Variants in HTR1E observed in about 807,000 individuals in gnomAD.
The protein encoded by HTR1E is 5-hydroxytryptamine receptor 1E.
In HTR1E, 3 loss-of-function variants were observed where a neutral mutation model predicts 3.4. That is an observed-to-expected ratio of 0.89 (90% CI 0.41 to 2.31). HTR1E has a LOEUF of 2.31. Among genes scored for constraint, HTR1E ranks in the 30% most tolerant of loss-of-function variants. The pLI is 0.05. For missense variants in HTR1E, 392 were observed against 467.0 expected (o/e 0.84, Z 1.48); for synonymous variants, 170 against 182.8 (o/e 0.93, Z 0.56).
chr6:86,939,759 C>T (rs915166974), intron 1 of HTR1E, among the ~76,000 whole-genome samples: 9 of 152,220 alleles, frequency 5.9e-5, no homozygotes, highest in African/African-American at 2.2e-4. Flanking sequence ...AGTTTTCATT[C>T]TTTCCTCTTC....
intron 1 of HTR1E, among the ~76,000 whole-genome samples, chr6:87,007,834 T>G (rs1167610751): frequency 2.0e-5 from 3 of 152,034 alleles, no homozygotes; most frequent in African/African-American, 7.2e-5. Context: ...CTCAAAAGGC[T>G]GAGGCAGAAG....
chr6:86,955,891 C>A (rs911278534), intron 1 of HTR1E, among the ~76,000 whole-genome samples: 6 of 151,894 alleles, frequency 4.0e-5, no homozygotes, highest in African/African-American at 1.5e-4. Flanking sequence ...TTCTAAGACC[C>A]CCCCAACCAA....
intron 1 of HTR1E, among the ~76,000 whole-genome samples, chr6:86,946,778 GA>G (rs1768621916): frequency 6.6e-6 from 1 of 152,134 alleles, no homozygotes; most frequent in Non-Finnish European, 1.5e-5. Context: ...ATGCTGCCCT[GA>G]AAAGTGGCTT....
At chr6:87,005,225 A>T (rs908088297) in intron 1 of HTR1E, among the ~76,000 whole-genome samples, 1 of 152,184 alleles carries the variant, frequency 6.6e-6, no homozygotes, top group Non-Finnish European at 1.5e-5. Context: ...GTGCACAGAA[A>T]TGGAAAAAAT....
chr6:87,001,026 A>C (rs1448684317), intron 1 of HTR1E, among the ~76,000 whole-genome samples: 1 of 152,158 alleles, frequency 6.6e-6, no homozygotes, highest in African/African-American at 2.4e-5. Flanking sequence ...CATTTTTATT[A>C]GTTTTCTCTT....
intron 1 of HTR1E, among the ~76,000 whole-genome samples, chr6:86,995,682 A>G (rs1767930401): frequency 3.1e-5 from 2 of 63,742 alleles, no homozygotes; most frequent in South Asian, 6.8e-4. Context: ...AAAAAAAAAA[A>G]AAAAAGAAAA....
intron 1 of HTR1E, among the ~76,000 whole-genome samples, chr6:87,008,814 G>C (rs1434653764): frequency 1.3e-5 from 2 of 152,166 alleles, no homozygotes; most frequent in African/African-American, 4.8e-5. Context: ...AATATTATAA[G>C]ATGATCACCC....
chr6:86,992,844 A>G (rs1315370443), intron 1 of HTR1E, among the ~76,000 whole-genome samples: 2 of 152,194 alleles, frequency 1.3e-5, no homozygotes, highest in Non-Finnish European at 1.5e-5. Flanking sequence ...TACTTAAGTA[A>G]TATTAGTTCC....
chr6:87,000,244 C>T (rs1768000749), intron 1 of HTR1E: 1 of 152,374 alleles, frequency 6.6e-6, no homozygotes, highest in African/African-American at 2.4e-5. Context: ...TTGAGTTTGC[C>T]AGTTATGGGA....
chr6:86,971,823 T>C (rs1767561723), intron 1 of HTR1E, among the ~76,000 whole-genome samples: 1 of 152,214 alleles, frequency 6.6e-6, no homozygotes, highest in African/African-American at 2.4e-5. Context: ...CAGGTAGTCT[T>C]TTGGAATCCC....
chr6:86,939,478 A>C (rs1768516726), intron 1 of HTR1E, among the ~76,000 whole-genome samples: 1 of 152,238 alleles, frequency 6.6e-6, no homozygotes, highest in Admixed American at 6.5e-5. Context: ...GGGCTGCAGA[A>C]GCTCCAAGGA....
intron 1 of HTR1E, among the ~76,000 whole-genome samples, chr6:86,954,421 C>T (rs1239659744): frequency 6.6e-6 from 1 of 152,172 alleles, no homozygotes; most frequent in Non-Finnish European, 1.5e-5. Flanking sequence ...TTCAAGTGAT[C>T]TGCTCAGACA....
rs540138373 is a variant in HTR1E, at chr6:86,944,444, T to C, written c.-186+6621T>C. On this transcript the variant is annotated intron_variant, in intron 1 of 1. Transcript: ENST00000305344. Reference sequence around the variant, plus strand: ...TCATAGTAATGTTCTCAGACTGAAATTAGATAATCTGTCAAAGAATTTGTA... The same window carrying C: ...TCATAGTAATGTTCTCAGACTGAAACTAGATAATCTGTCAAAGAATTTGTA... Among the ~76,000 whole-genome samples, 144 of 152,314 alleles carry C rather than the reference T, an allele frequency of 9.5e-4. 1 individual carries two copies. Among genetic ancestry groups the C allele is most frequent in the Non-Finnish European group, 1.8e-3 (122 of 68,032 alleles).
intron 1 of HTR1E, among the ~76,000 whole-genome samples, chr6:86,951,465 T>G: frequency 6.6e-6 from 1 of 152,230 alleles, no homozygotes; most frequent in Admixed American, 6.5e-5. Context: ...TCAGTAAATC[T>G]AAATTGATAT....
chr6:86,939,598 C>T (rs191781217), intron 1 of HTR1E, among the ~76,000 whole-genome samples: 10 of 152,342 alleles, frequency 6.6e-5, no homozygotes, highest in Admixed American at 1.3e-4. Context: ...TATTCCCTTA[C>T]GTGCTTGTTT....
intron 1 of HTR1E, among the ~76,000 whole-genome samples, chr6:87,005,176 T>C (rs1275830764): frequency 1.3e-5 from 2 of 152,098 alleles, no homozygotes; most frequent in Admixed American, 1.3e-4. Context: ...AAGCAATCTA[T>C]GGCTATAAGG....
intron 1 of HTR1E, among the ~76,000 whole-genome samples, chr6:87,012,943 G>A (rs559852395): frequency 1.3e-5 from 2 of 152,270 alleles, no homozygotes; most frequent in South Asian, 2.1e-4. Context: ...CTCCAAAACC[G>A]CTGACTCAGG....
In HTR1E at chr6:86,991,858, T is replaced by C. The variant is rs145487456; in HGVS notation, c.-185-23292T>C. Among the ~76,000 whole-genome samples, 163 of 152,324 alleles carry C rather than the reference T, an allele frequency of 1.1e-3. 1 individual carries two copies. Among genetic ancestry groups the C allele is most frequent in the Middle Eastern group, 3.4e-3 (1 of 294 alleles). ...ACTCCAGTTGCAAACATATGTTTTA[T>C]ACAAACTCTTCAAATTGGAGACATT... On this transcript the variant is annotated intron_variant, in intron 1 of 1. Coordinates refer to ENST00000305344, the MANE Select transcript of HTR1E (RefSeq NM_000865.3).
At chr6:86,975,940 C>T (rs1159263471) in intron 1 of HTR1E, among the ~76,000 whole-genome samples, 1 of 151,868 alleles carries the variant, frequency 6.6e-6, no homozygotes, top group Non-Finnish European at 1.5e-5. Flanking sequence ...CACACACACA[C>T]ACACACACTC....
Sources: allele counts gnomAD v4.1 joint callset (sites outside exome capture counted in the v4.1 genomes callset), GRCh38; gene constraint gnomAD v4.1.1; transcripts MANE v1.5; gene names NCBI Gene and HGNC (gene_info 2026-07-23, HGNC 2026-07-21).